Variants in KAZN observed in about 807,000 individuals in gnomAD.
The protein encoded by KAZN is kazrin, periplakin interacting protein.
KAZN carries 40 observed loss-of-function variants against 87.4 expected under a neutral mutation model. The ratio of observed to expected loss-of-function variants is 0.46; its 90% CI spans 0.36 to 0.60. The LOEUF (loss-of-function observed/expected upper bound fraction) is 0.60, where lower values mean the gene tolerates loss of function less well. KAZN is among the 20% of genes least tolerant of loss of function. The pLI is 0.00. For missense variants in KAZN, 898 were observed against 1,073.9 expected, an observed-to-expected ratio of 0.84 and a Z score of 2.29; for synonymous variants, 466 against 458.3, an observed-to-expected ratio of 1.02 and a Z score of -0.22.
chr1:13,951,789 A>C (rs1381746973), intron 1 of KAZN, among the ~76,000 whole-genome samples: 1 of 152,168 alleles, frequency 6.6e-6, no homozygotes. Context: ...CCATACAGAC[A>C]TAGATGGATT....
intron 2 of KAZN, among the ~76,000 whole-genome samples, chr1:14,383,869 G>A (rs915474098): frequency 7.5e-4 from 114 of 152,130 alleles, no homozygotes; most frequent in African/African-American, 2.6e-3. Flanking sequence ...TTGGTAGCTT[G>A]ATGGGGATGG....
intron 1 of KAZN, among the ~76,000 whole-genome samples, chr1:14,933,107 A>G (rs1660036170): frequency 6.6e-6 from 1 of 152,074 alleles, no homozygotes; most frequent in African/African-American, 2.4e-5. Context: ...TTCTTTATTT[A>G]TGAGATGGAG....
At chr1:14,901,313 A>G (rs773386519) in intron 1 of KAZN, among the ~76,000 whole-genome samples, 2 of 152,186 alleles carry the variant, frequency 1.3e-5, no homozygotes, top group Admixed American at 1.3e-4. Flanking sequence ...TAGTTACGGG[A>G]TAACAAGAAG....
intron 1 of KAZN, among the ~76,000 whole-genome samples, chr1:14,073,455 G>A (rs1643323155): frequency 6.6e-6 from 1 of 151,908 alleles, no homozygotes; most frequent in African/African-American, 2.4e-5. Flanking sequence ...GAATGTGCGG[G>A]TTTGTTGCAT....
chr1:13,921,079 G>T (rs1220955093), intron 1 of KAZN, among the ~76,000 whole-genome samples: 1 of 152,144 alleles, frequency 6.6e-6, no homozygotes, highest in African/African-American at 2.4e-5. Context: ...TGAGGTCCTT[G>T]TTGTCCAAGG....
chr1:14,791,845 G>A (rs887315533), intron 1 of KAZN, among the ~76,000 whole-genome samples: 13 of 152,348 alleles, frequency 8.5e-5, no homozygotes, highest in Admixed American at 6.5e-4. Flanking sequence ...TTTCAGCAGC[G>A]CGTTTGATCC....
chr1:14,339,768 A>G (rs1657550885), intron 2 of KAZN, among the ~76,000 whole-genome samples: 1 of 152,230 alleles, frequency 6.6e-6, no homozygotes, highest in Non-Finnish European at 1.5e-5. Context: ...AGCAATACCT[A>G]GAATAACGTT....
intron 13 of KAZN, among the ~76,000 whole-genome samples, chr1:15,104,717 C>A (rs1641236085): frequency 6.6e-6 from 1 of 152,170 alleles, no homozygotes; most frequent in African/African-American, 2.4e-5. Context: ...AAACCAGTCC[C>A]CCTCCCAGTG....
chr1:14,022,387 TA>T (rs1273790003), intron 1 of KAZN, among the ~76,000 whole-genome samples: 3 of 144,518 alleles, frequency 2.1e-5, no homozygotes, highest in African/African-American at 7.7e-5. Context: ...AAGTACACAA[TA>T]AATGATAACA....
intron 2 of KAZN, among the ~76,000 whole-genome samples, chr1:14,215,133 C>T (rs1453760019): frequency 6.6e-6 from 1 of 152,120 alleles, no homozygotes; most frequent in Non-Finnish European, 1.5e-5. Flanking sequence ...AGTCATTTCT[C>T]ACGTGGGGAG....
chr1:14,365,024 T>C (rs1382032359), intron 2 of KAZN, among the ~76,000 whole-genome samples: 2 of 151,744 alleles, frequency 1.3e-5, no homozygotes, highest in African/African-American at 4.8e-5. Flanking sequence ...ATTGTAGGCA[T>C]GAGCCACCAT....
chr1:14,341,212 A>T (rs1035843766), intron 2 of KAZN, among the ~76,000 whole-genome samples: 2 of 152,092 alleles, frequency 1.3e-5, no homozygotes. Flanking sequence ...TTATTTTTTA[A>T]AAAAGATTAG....
intron 2 of KAZN, among the ~76,000 whole-genome samples, chr1:14,441,360 G>GGCAGCA (rs1553172849): frequency 2.6e-5 from 4 of 151,732 alleles, no homozygotes; most frequent in Non-Finnish European, 5.9e-5. Context: ...TGTTGTTCCG[G>GGCAGCA]GCAGCAGCGG....
In KAZN at chr1:14,527,445, A is replaced by G. The variant is rs183415947; in HGVS notation, c.250-71538A>G. ...GCACCTGTAATCCCGACTACTTGGG[A>G]GTCTGAGGCAGGAGAATCACTTGAA... is the stretch of plus-strand genomic sequence containing the variant. On this transcript the variant is annotated intron_variant, in intron 2 of 16. Transcript: ENST00000636203. 6.6e-5 allele frequency among the ~76,000 whole-genome samples: 10 copies of G among 150,986 alleles called. No homozygotes were observed. In the East Asian group the frequency reaches 2.0e-3, roughly 30 times the overall value.
At chr1:14,633,158 C>T (rs1221000778) in intron 1 of KAZN, among the ~76,000 whole-genome samples, 1 of 152,084 alleles carries the variant, frequency 6.6e-6, no homozygotes, top group Non-Finnish European at 1.5e-5. Flanking sequence ...CTCAAGTGAT[C>T]CACCTGCCTC....
intron 1 of KAZN, among the ~76,000 whole-genome samples, chr1:14,822,575 T>C (rs991091308): frequency 2.0e-5 from 3 of 152,156 alleles, no homozygotes; most frequent in Admixed American, 6.5e-5. Context: ...TGCGTGTCCT[T>C]CCGTCCCTGT....
At chr1:14,354,063 A>G (rs1471203702) in intron 2 of KAZN, among the ~76,000 whole-genome samples, 1 of 152,278 alleles carries the variant, frequency 6.6e-6, no homozygotes, top group African/African-American at 2.4e-5. Context: ...CATTGTAGAA[A>G]GACTAAAGAG....
At chr1:14,958,972 G>A (rs1663513278) in intron 1 of KAZN, among the ~76,000 whole-genome samples, 1 of 152,250 alleles carries the variant, frequency 6.6e-6, no homozygotes, top group Non-Finnish European at 1.5e-5. Context: ...GCATGAGGAT[G>A]CGGCCATGGA....
chr1:14,247,917 A>G (rs1388550107), intron 2 of KAZN, among the ~76,000 whole-genome samples: 1 of 152,098 alleles, frequency 6.6e-6, no homozygotes, highest in African/African-American at 2.4e-5. Context: ...CTCTTGTACT[A>G]CACATTTCAG....
Sources: gnomAD v4.1 joint callset for allele counts (sites outside exome capture counted in the v4.1 genomes callset) on GRCh38, gnomAD v4.1.1 for gene constraint, MANE v1.5 for transcripts, NCBI Gene and HGNC (gene_info 2026-07-23, HGNC 2026-07-21) for gene names.